Variants in BMAL1 observed in about 807,000 individuals in gnomAD.
BMAL1 encodes the protein basic helix-loop-helix ARNT-like protein 1.
the BMAL1 span, among the ~76,000 whole-genome samples, chr11:13,385,947 G>A: frequency 3.3e-5 from 5 of 152,194 alleles, no homozygotes; most frequent in African/African-American, 1.2e-4. Context: ...TCTCTAAAAA[G>A]TTGACCAGTA....
the BMAL1 span, among the ~76,000 whole-genome samples, chr11:13,321,701 G>A: frequency 1.3e-5 from 2 of 152,112 alleles, no homozygotes; most frequent in Non-Finnish European, 2.9e-5. Flanking sequence ...TCACACATCA[G>A]TCATAATTGA....
the BMAL1 span, among the ~76,000 whole-genome samples, chr11:13,283,759 G>C: frequency 6.6e-6 from 1 of 152,102 alleles, no homozygotes; most frequent in Non-Finnish European, 1.5e-5. Flanking sequence ...GGACCTGGAT[G>C]CTACCTGAGC....
the BMAL1 span, among the ~76,000 whole-genome samples, chr11:13,318,168 T>C: frequency 6.6e-6 from 1 of 152,218 alleles, no homozygotes; most frequent in Non-Finnish European, 1.5e-5. Context: ...GGAATAGAGT[T>C]TGTAGTCTCT....
the BMAL1 span, chr11:13,386,800 T>C: frequency 6.3e-7 from 1 of 1,596,004 alleles, no homozygotes; most frequent in South Asian, 1.1e-5. Context: ...TCAAAGTGCA[T>C]TACTGGTGGA....
the BMAL1 span, among the ~76,000 whole-genome samples, chr11:13,350,911 A>G: frequency 6.6e-6 from 1 of 152,260 alleles, no homozygotes; most frequent in Admixed American, 6.5e-5. Context: ...AAGAATTAAT[A>G]TTCTTAGTAT....
the BMAL1 span, among the ~76,000 whole-genome samples, chr11:13,364,814 C>T: frequency 0.028 from 4,226 of 148,442 alleles, 78 homozygotes; most frequent in South Asian, 0.053. Context: ...AGAATCTAAG[C>T]GGGGAGTTTT....
the BMAL1 span, among the ~76,000 whole-genome samples, chr11:13,345,752 A>G: frequency 4.6e-5 from 7 of 152,220 alleles, no homozygotes; most frequent in African/African-American, 1.7e-4. Context: ...GATAATGATC[A>G]TAATGAATGG....
chr11:13,303,723 A>G, the BMAL1 span, among the ~76,000 whole-genome samples: 1 of 152,250 alleles, frequency 6.6e-6, no homozygotes, highest in Admixed American at 6.5e-5. Flanking sequence ...AAGAGAGGGT[A>G]GTTTGTGAGG....
the BMAL1 span, among the ~76,000 whole-genome samples, chr11:13,291,043 T>C: frequency 6.6e-6 from 1 of 152,166 alleles, no homozygotes; most frequent in Non-Finnish European, 1.5e-5. Flanking sequence ...AGACTAACTC[T>C]TGCCAGCTAG....
At chr11:13,337,462 A>G in the BMAL1 span, among the ~76,000 whole-genome samples, 20 of 152,348 alleles carry the variant, frequency 1.3e-4, no homozygotes, top group African/African-American at 4.8e-4. Flanking sequence ...GTGCATATCT[A>G]TTAAAAGAGT....
At chr11:13,285,016 G>A in the BMAL1 span, among the ~76,000 whole-genome samples, 1 of 152,148 alleles carries the variant, frequency 6.6e-6, no homozygotes, top group African/African-American at 2.4e-5. Context: ...GGCTAGCGGG[G>A]TCTTTGCTTA....
chr11:13,379,176 A>G, the BMAL1 span: 1 of 152,270 alleles, frequency 6.6e-6, no homozygotes, highest in East Asian at 1.9e-4. Flanking sequence ...ACAGCCTGAC[A>G]TATAGTGAGT....
the BMAL1 span, chr11:13,378,794 C>T: frequency 2.3e-4 from 60 of 263,506 alleles, no homozygotes; most frequent in East Asian, 7.2e-3. Flanking sequence ...GCTCAAGGAG[C>T]TTCTCAGTGC....
chr11:13,371,187 T>C, the BMAL1 span, among the ~76,000 whole-genome samples: 1 of 152,248 alleles, frequency 6.6e-6, no homozygotes, highest in Non-Finnish European at 1.5e-5. Context: ...AGACACTCCA[T>C]AGTGGTTTGC....
the BMAL1 span, among the ~76,000 whole-genome samples, chr11:13,316,286 AAGAGAAG>A: frequency 6.6e-6 from 1 of 152,128 alleles, no homozygotes; most frequent in Non-Finnish European, 1.5e-5. Flanking sequence ...TCATTGCCTT[AAGAGAAG>A]CTGCTTCATG....
the BMAL1 span, among the ~76,000 whole-genome samples, chr11:13,283,111 T>C: frequency 7.9e-5 from 12 of 152,354 alleles, no homozygotes; most frequent in African/African-American, 2.9e-4. Flanking sequence ...GAGTGGTTTT[T>C]ACCTTAGTAT....
chr11:13,318,744 G>A, the BMAL1 span, among the ~76,000 whole-genome samples: 5 of 152,142 alleles, frequency 3.3e-5, no homozygotes, highest in East Asian at 9.7e-4. Flanking sequence ...GGAGGGTGGA[G>A]AGGAGACTTA....
At chr11:13,366,608 C>A in the BMAL1 span, 2 of 1,445,060 alleles carry the variant, frequency 1.4e-6, no homozygotes, top group Non-Finnish European at 1.9e-6. Context: ...TTACTTGTTG[C>A]ATAATTGATT....
At chr11:13,366,236 T>C in the BMAL1 span, among the ~76,000 whole-genome samples, 4 of 152,254 alleles carry the variant, frequency 2.6e-5, no homozygotes, top group Admixed American at 2.0e-4. Flanking sequence ...CTGCTCTTTT[T>C]AGTCTCAGAG....
Sources: allele counts gnomAD v4.1 joint callset (sites outside exome capture counted in the v4.1 genomes callset), GRCh38; gene constraint gnomAD v4.1.1; transcripts MANE v1.5; gene names NCBI Gene and HGNC (gene_info 2026-07-23, HGNC 2026-07-21).